The following ZMAT3 variants were observed in gnomAD, a reference collection of about 807,000 sequenced individuals.
ZMAT3 encodes the protein zinc finger matrin-type 3, also known as zinc finger matrin-type protein 3.
Under a neutral mutation model 32.3 loss-of-function variants are expected in ZMAT3, and 17 were observed. The observed-to-expected ratio is 0.53, with a 90% CI of 0.36 to 0.79. ZMAT3 has a LOEUF of 0.79. Among genes scored for constraint, ZMAT3 ranks in the 30% least tolerant of loss-of-function variants. The probability of loss-of-function intolerance (pLI) is 0.00; values close to 1 mark genes in which losing one functional copy is unlikely to be tolerated. For synonymous variants in ZMAT3, 120 were observed against 133.1 expected (o/e 0.90, Z 0.68); for missense variants, 329 against 359.7 (o/e 0.91, Z 0.69).
intron 2 of ZMAT3, among the ~76,000 whole-genome samples, chr3:179,064,662 C>T (rs1054579548): frequency 3.8e-4 from 58 of 152,106 alleles, no homozygotes; most frequent in Admixed American, 1.4e-3. Context: ...AACTCCTGAA[C>T]GCAAACTATC....
In ZMAT3 at chr3:179,027,291, G is replaced by A. The variant is rs1399389359; in HGVS notation, c.658+132C>T. ...GAAATACACACCAGCCTGAAAGGCC[G>A]CCACTAGACTAATTCAATAAAACAC... On this transcript the variant is annotated intron_variant, in intron 5 of 5. Coordinates refer to ENST00000311417, the MANE Select transcript of ZMAT3 (RefSeq NM_022470.4). 10 of 613,298 alleles carry A rather than the reference G, an allele frequency of 1.6e-5. No homozygotes were observed. In the South Asian group the frequency reaches 1.8e-4, roughly 11 times the overall value. 38.0% of individuals were successfully genotyped at this position (613,298 alleles called of 1,614,324 possible).
At chr3:179,043,911 A>T (rs1250181959) in intron 2 of ZMAT3, among the ~76,000 whole-genome samples, 1 of 152,228 alleles carries the variant, frequency 6.6e-6, no homozygotes, top group East Asian at 1.9e-4. Flanking sequence ...TGGGCAAAGG[A>T]TATGAGGATA....
chr3:179,061,795 C>T (rs1292668697), intron 2 of ZMAT3, among the ~76,000 whole-genome samples: 2 of 152,018 alleles, frequency 1.3e-5, no homozygotes, highest in Non-Finnish European at 2.9e-5. Flanking sequence ...CAATATTTCC[C>T]CACTCATAAT....
At position 179,024,916 on chromosome 3, in the gene ZMAT3, G is replaced by T; in HGVS notation, c.*101C>A. 9.6e-7 allele frequency: 1 copy of T among 1,042,016 alleles called. No homozygotes were observed. The highest frequency in any genetic ancestry group is 1.4e-6 in the Non-Finnish European group (1 of 711,020). The allele number at this position is 1,042,016 out of a possible 1,614,324, so 64.5% of individuals were successfully genotyped here. On this transcript the variant is annotated 3_prime_UTR_variant, in exon 6 of 6. Coordinates refer to ENST00000311417, the MANE Select transcript of ZMAT3 (RefSeq NM_022470.4). ...TGTGGGTTACATGTATTAACATTAA[G>T]CAGAGGAATGTACTCATATCAAAAA...
chr3:179,023,708 A>ATTT lies in ZMAT3; in HGVS notation c.*1308_*1309insAAA, dbSNP rs1460929038. 1.6e-4 allele frequency: 2 copies of ATTT among 12,632 alleles called. No homozygotes were observed. The highest frequency in any genetic ancestry group is 2.4e-4 in the Non-Finnish European group (2 of 8,296). 0.8% of individuals were successfully genotyped at this position (12,632 alleles called of 1,614,324 possible). A position where few individuals can be genotyped will look rare whatever the true frequency, so the allele number is the denominator to read the frequency against. On this transcript the variant is annotated 3_prime_UTR_variant, in exon 6 of 6. Coordinates refer to ENST00000311417, the MANE Select transcript of ZMAT3 (RefSeq NM_022470.4). ...CTGGAAAATATATCTATATATATAT[A>ATTT]TATTTTTTTTTTTTTTTTTTTTTTT...
chr3:179,070,538 T>C (rs982676159), intron 1 of ZMAT3, among the ~76,000 whole-genome samples: 1 of 152,204 alleles, frequency 6.6e-6, no homozygotes, highest in Non-Finnish European at 1.5e-5. Flanking sequence ...CAAAAATTAG[T>C]ATAAAATATA....
chr3:179,054,545 T>C (rs1720733054), intron 2 of ZMAT3, among the ~76,000 whole-genome samples: 1 of 152,232 alleles, frequency 6.6e-6, no homozygotes, highest in African/African-American at 2.4e-5. Flanking sequence ...AATGTTAATG[T>C]TTGAAATGTA....
At chr3:179,027,877 A>G in intron 3 of ZMAT3, 65 bp from the exon 4 acceptor site, 2 of 1,504,814 alleles carry the variant, frequency 1.3e-6, no homozygotes, top group Non-Finnish European at 1.8e-6. Context: ...CTTCTCCTCA[A>G]AGGTCTTTCT....
At position 179,028,298 on chromosome 3, in the gene ZMAT3, C is replaced by T. The variant is rs183240454; in HGVS notation, c.391-486G>A. Among the ~76,000 whole-genome samples, 519 of 151,994 alleles carry T rather than the reference C, an allele frequency of 3.4e-3. 3 individuals are homozygous for T. The highest frequency in any genetic ancestry group is 0.012 in the African/African-American group (491 of 41,424). On this transcript the variant is annotated intron_variant, in intron 3 of 5. Transcript: ENST00000311417. ...CTACAAACTAGCTACAGATATAATC[C>T]GGAAAAAAATTAAAAATAAGTAGCA...
rs1222332399 is a variant in ZMAT3 at position 179,067,594 on chromosome 3, T to C, written c.159A>G (p.Leu53=). 2 of 1,614,084 alleles carry C rather than the reference T, an allele frequency of 1.2e-6. No individual in the cohort carries two copies. Among genetic ancestry groups the C allele is most frequent in the Non-Finnish European group, 1.7e-6 (2 of 1,180,044 alleles). ...CACAGTCTTGCTCCCCTCCCTTCGA[T>C]AACTCTTCTTCCCCTGCAAGAGGCA... ...ASLPLAGEEE[L]SKGGEQDCAL... is the part of the protein sequence containing the mutation. Residue 53 remains leucine (L), a synonymous_variant, in exon 2 of 6, where the codon TTA becomes TTG. Transcript: ENST00000311417.
rs1560079814 is a variant in ZMAT3, at chr3:179,021,240, T to C, written c.*3777A>G. The C allele has an allele frequency of 6.6e-6, 1 of 152,216 alleles. No individual in the cohort carries two copies. Among genetic ancestry groups the C allele is most frequent in the African/African-American group, 2.4e-5 (1 of 41,466 alleles). 9.4% of individuals were successfully genotyped at this position (152,216 alleles called of 1,614,324 possible). On this transcript the variant is annotated 3_prime_UTR_variant, in exon 6 of 6. Coordinates refer to ENST00000311417, the MANE Select transcript of ZMAT3 (RefSeq NM_022470.4). ...ACAAGTTGCAGGACATGATGCACAA[T>C]GTGAAGACCAACAAAGTATTTTCAA...
At chr3:179,067,870 T>C (rs1362620395) in intron 1 of ZMAT3, 61 bp from the exon 2 acceptor site, 2 of 1,424,774 alleles carry the variant, frequency 1.4e-6, no homozygotes, top group East Asian at 2.3e-5. Context: ...TTCAGCAAGA[T>C]AACATGTAAA....
intron 2 of ZMAT3, among the ~76,000 whole-genome samples, chr3:179,031,300 G>A (rs2108541445): frequency 6.7e-6 from 1 of 149,700 alleles, no homozygotes; most frequent in South Asian, 2.1e-4. Context: ...GCTTCTACTA[G>A]AGGTCTTGAT....
At chr3:179,031,938 TCCCC>T (rs1560085570) in intron 2 of ZMAT3, among the ~76,000 whole-genome samples, 429 of 1,358 alleles carry the variant, frequency 0.32, 50 homozygotes, top group Middle Eastern at 0.5. Context: ...TCCCTCTCCC[TCCCC>T]CTCCCCCTCC....
rs60616242 is a variant in ZMAT3 at position 179,033,344 on chromosome 3, A to ACTG, written c.271-2348_271-2346dup. Among the ~76,000 whole-genome samples the ACTG allele has an allele frequency of 5.9e-3, 901 of 152,304 alleles. 10 individuals are homozygous for ACTG. The highest frequency in any genetic ancestry group is 0.041 in the East Asian group (213 of 5,166). The stretch of plus-strand genomic sequence containing the variant: ...ATCTCAAGTACCCAGAGACACAAAC[A>ACTG]CTGCGGAAGGCGGAAGGCGGCAGGG... On this transcript the variant is annotated intron_variant, in intron 2 of 5. Coordinates refer to ENST00000311417, the MANE Select transcript of ZMAT3 (RefSeq NM_022470.4).
At chr3:179,065,857 G>T (rs1208148582) in intron 2 of ZMAT3, among the ~76,000 whole-genome samples, 1 of 152,104 alleles carries the variant, frequency 6.6e-6, no homozygotes, top group Non-Finnish European at 1.5e-5. Context: ...AGTGAGCCAA[G>T]ATCGCGCCAC....
At chr3:179,026,084 T>G (rs1718850664) in intron 5 of ZMAT3, among the ~76,000 whole-genome samples, 1 of 152,214 alleles carries the variant, frequency 6.6e-6, no homozygotes, top group East Asian at 1.9e-4. Flanking sequence ...TAATTTCCAG[T>G]ATAATTGTTT....
chr3:179,033,521 GAAAGAAAAGA>G (rs199514059), intron 2 of ZMAT3, among the ~76,000 whole-genome samples: 2 of 126,858 alleles, frequency 1.6e-5, no homozygotes, highest in Admixed American at 1.6e-4. Flanking sequence ...AAAAAGGAAA[GAAAGAAAAGA>G]AAAGAAAAGA....
intron 2 of ZMAT3, among the ~76,000 whole-genome samples, chr3:179,054,804 G>C (rs1291016105): frequency 6.6e-6 from 1 of 152,226 alleles, no homozygotes; most frequent in Non-Finnish European, 1.5e-5. Context: ...CTGTGCTCCT[G>C]ATCCAGCGAG....
Sources: gnomAD v4.1 joint callset for allele counts (sites outside exome capture counted in the v4.1 genomes callset) on GRCh38, gnomAD v4.1.1 for gene constraint, MANE v1.5 for transcripts, NCBI Gene and HGNC (gene_info 2026-07-23, HGNC 2026-07-21) for gene names.